Variants in STK39 observed in about 807,000 individuals in gnomAD.
STK39 encodes STE20/SPS1-related proline-alanine-rich protein kinase.
STK39 carries 20 observed loss-of-function variants against 77.8 expected under a neutral mutation model. That is an observed-to-expected ratio of 0.26 (90% CI 0.18 to 0.37). The LOEUF (loss-of-function observed/expected upper bound fraction) is 0.37. Among genes scored for constraint, STK39 ranks in the 10% least tolerant of loss-of-function variants. STK39 has a pLI of 1.00. For missense variants in STK39, 479 were observed against 656.5 expected, an observed-to-expected ratio of 0.73 and a Z score of 2.95; for synonymous variants, 246 against 234.1, an observed-to-expected ratio of 1.05 and a Z score of -0.47.
At chr2:167,998,759 C>A (rs1683917146) in intron 16 of STK39, among the ~76,000 whole-genome samples, 1 of 152,200 alleles carries the variant, frequency 6.6e-6, no homozygotes, top group Non-Finnish European at 1.5e-5. Context: ...AATCGCTTTT[C>A]AATGTCCTTT....
Position 168,003,652 on chromosome 2 carries a change from T to TAGTCCTAA in STK39, c.1498+8974_1498+8981dup, listed in dbSNP as rs372644325. Among the ~76,000 whole-genome samples the TAGTCCTAA allele has an allele frequency of 4.4e-3, 668 of 152,324 alleles. 8 individuals are homozygous for TAGTCCTAA. The highest frequency in any genetic ancestry group is 0.015 in the African/African-American group (637 of 41,562). ...CAGCACAGCACCCCCAAAGTACTTA[T>TAGTCCTAA]AGTCCTAATTCCCTAAGGTATTAAA... On this transcript the variant is annotated intron_variant, in intron 16 of 17. Transcript: ENST00000355999.
chr2:168,166,103 A>G (rs1400644), intron 3 of STK39, among the ~76,000 whole-genome samples: 42,639 of 152,050 alleles, frequency 0.28, 6,912 homozygotes, highest in East Asian at 0.56. Context: ...ACAGATGTTA[A>G]AGTCACAAAT....
At chr2:168,029,834 T>A (rs150128015) in intron 14 of STK39, among the ~76,000 whole-genome samples, 150 of 152,320 alleles carry the variant, frequency 9.8e-4, no homozygotes, top group African/African-American at 3.5e-3. Context: ...CTGGCTTATG[T>A]CCTCTCTTGG....
At chr2:168,141,237 T>A (rs1687972621) in intron 5 of STK39, among the ~76,000 whole-genome samples, 1 of 152,216 alleles carries the variant, frequency 6.6e-6, no homozygotes, top group Admixed American at 6.5e-5. Context: ...AGGCATACTG[T>A]ACAGATTGAG....
chr2:168,201,389 T>C (rs1689608262), intron 1 of STK39, among the ~76,000 whole-genome samples: 2 of 152,216 alleles, frequency 1.3e-5, no homozygotes, highest in East Asian at 1.9e-4. Context: ...GAAGCACTGA[T>C]GCATATTTAT....
At chr2:168,019,602 G>T (rs1255095682) in intron 14 of STK39, among the ~76,000 whole-genome samples, 10 of 152,188 alleles carry the variant, frequency 6.6e-5, no homozygotes, top group Admixed American at 6.5e-4. Context: ...AAAGAACCCT[G>T]CCCTGGAGGT....
chr2:168,154,134 T>C (rs1688364583), intron 5 of STK39, among the ~76,000 whole-genome samples: 1 of 152,194 alleles, frequency 6.6e-6, no homozygotes. Flanking sequence ...TTGGATAGGA[T>C]GTAGGGTCCA....
At chr2:168,202,133 C>A (rs1405705269) in intron 1 of STK39, among the ~76,000 whole-genome samples, 1 of 152,182 alleles carries the variant, frequency 6.6e-6, no homozygotes, top group Non-Finnish European at 1.5e-5. Context: ...TCAGAACCAA[C>A]TGGGTTACTG....
intron 14 of STK39, among the ~76,000 whole-genome samples, chr2:168,027,650 G>A (rs930563133): frequency 3.9e-5 from 6 of 152,050 alleles, no homozygotes; most frequent in Admixed American, 6.6e-5. Context: ...ACACAAATAC[G>A]CACAAGGTTT....
At chr2:167,990,379 T>C (rs1170244276) in intron 16 of STK39, among the ~76,000 whole-genome samples, 2 of 152,192 alleles carry the variant, frequency 1.3e-5, no homozygotes, top group African/African-American at 2.4e-5. Context: ...AGGTCTACAG[T>C]GTGCTGTACA....
chr2:168,035,497 A>G (rs1222713932), intron 14 of STK39, among the ~76,000 whole-genome samples: 1 of 152,228 alleles, frequency 6.6e-6, no homozygotes, highest in Non-Finnish European at 1.5e-5. Context: ...CAGAATGTCT[A>G]ACAGGACATT....
intron 5 of STK39, among the ~76,000 whole-genome samples, chr2:168,147,358 G>A (rs564645571): frequency 4.6e-4 from 70 of 152,232 alleles, no homozygotes; most frequent in African/African-American, 1.7e-3. Flanking sequence ...GAGTCCCACA[G>A]GTTTCCTTAA....
At chr2:168,197,052 T>C (rs759675924) in intron 1 of STK39, among the ~76,000 whole-genome samples, 2 of 152,286 alleles carry the variant, frequency 1.3e-5, no homozygotes, top group Non-Finnish European at 1.5e-5. Context: ...AAGGTCACTC[T>C]GGCTGCTATG....
chr2:168,195,969 A>G (rs570218629), intron 1 of STK39, among the ~76,000 whole-genome samples: 9 of 152,316 alleles, frequency 5.9e-5, no homozygotes, highest in African/African-American at 2.2e-4. Context: ...GTGGGCCAAG[A>G]TCGTGCCATT....
intron 17 of STK39, 146 bp from the exon 18 acceptor site, chr2:167,955,716 A>C: frequency 1.4e-6 from 1 of 724,186 alleles, no homozygotes; most frequent in Non-Finnish European, 2.3e-6. Flanking sequence ...GACGCCAGCC[A>C]CTCTCTCGAA....
Position 168,115,889 on chromosome 2 carries a change from G to C in STK39, c.1089+13652C>G, listed in dbSNP as rs1687245855. 2.0e-5 allele frequency among the ~76,000 whole-genome samples: 3 copies of C among 152,238 alleles called. No individual in the cohort carries two copies. In the South Asian group the frequency reaches 6.2e-4, roughly 32 times the overall value. On this transcript the variant is annotated intron_variant, in intron 10 of 17. Coordinates refer to ENST00000355999, the MANE Select transcript of STK39 (RefSeq NM_013233.3). ...AAGACAAGGCTGAAGAGCGAAGAAG[G>C]GACTAGACCATGCGAAGCACTGGAA...
At chr2:168,205,706 G>C (rs527504162) in intron 1 of STK39, among the ~76,000 whole-genome samples, 18 of 152,094 alleles carry the variant, frequency 1.2e-4, no homozygotes, top group African/African-American at 4.3e-4. Context: ...GTAGTCTCAA[G>C]TACTCGGGAG....
intron 14 of STK39, among the ~76,000 whole-genome samples, chr2:168,062,693 C>A (rs569345147): frequency 6.6e-6 from 1 of 152,248 alleles, no homozygotes; most frequent in Non-Finnish European, 1.5e-5. Context: ...TGCTGATGAA[C>A]CCGCTTTTTG....
chr2:168,127,280 A>T (rs1409986237), intron 10 of STK39, among the ~76,000 whole-genome samples: 3 of 152,140 alleles, frequency 2.0e-5, no homozygotes, highest in Non-Finnish European at 4.4e-5. Flanking sequence ...CCTCCCGAGT[A>T]GCTGGGACTA....
Sources: allele counts gnomAD v4.1 joint callset (sites outside exome capture counted in the v4.1 genomes callset), GRCh38; gene constraint gnomAD v4.1.1; transcripts MANE v1.5; gene names NCBI Gene and HGNC (gene_info 2026-07-23, HGNC 2026-07-21).